Variants in RTKN2 observed in about 807,000 individuals in gnomAD.
RTKN2 encodes rhotekin 2, also known as rhotekin-2.
A neutral mutation model predicts 71.5 loss-of-function variants in RTKN2; 69 were observed. The ratio of observed to expected loss-of-function variants is 0.96; its 90% CI spans 0.79 to 1.18. The LOEUF (loss-of-function observed/expected upper bound fraction) is 1.18, where lower values mean the gene tolerates loss of function less well. Ranked by LOEUF, RTKN2 falls within the 50% of genes most tolerant of loss-of-function variation. RTKN2 has a pLI of 0.00. For missense variants in RTKN2, 724 were observed against 719.7 expected (o/e 1.01, Z -0.07); for synonymous variants, 236 against 236.5 (o/e 1.00, Z 0.02).
intron 6 of RTKN2, among the ~76,000 whole-genome samples, chr10:62,234,298 G>A (rs1383344663): frequency 2.0e-5 from 3 of 152,080 alleles, no homozygotes; most frequent in African/African-American, 7.2e-5. Context: ...GCTGAGGCAA[G>A]CGGATTGCTT....
intron 7 of RTKN2, among the ~76,000 whole-genome samples, 167 bp downstream of exon 7, chr10:62,223,071 G>A (rs1841943466): frequency 6.6e-6 from 1 of 152,112 alleles, no homozygotes; most frequent in Non-Finnish European, 1.5e-5. Flanking sequence ...GTAGAGAAAG[G>A]AAAATAAACT....
At chr10:62,259,847 C>G (rs7076775) in intron 2 of RTKN2, among the ~76,000 whole-genome samples, 1 of 151,996 alleles carries the variant, frequency 6.6e-6, no homozygotes, top group African/African-American at 2.4e-5. Context: ...CCACTTCACC[C>G]GGCCTCTTTT....
At chr10:62,264,357 GTGT>G (rs1372629942) in intron 1 of RTKN2, among the ~76,000 whole-genome samples, 2 of 152,078 alleles carry the variant, frequency 1.3e-5, no homozygotes, top group African/African-American at 2.4e-5. Flanking sequence ...TTCTCATATA[GTGT>G]TGTAACTCAA....
At chr10:62,254,702 G>A (rs955407080) in intron 2 of RTKN2, among the ~76,000 whole-genome samples, 3 of 152,170 alleles carry the variant, frequency 2.0e-5, no homozygotes, top group African/African-American at 7.2e-5. Context: ...TGTTTTGGGA[G>A]GCTGAGGTGG....
intron 7 of RTKN2, among the ~76,000 whole-genome samples, chr10:62,221,136 T>TAAA (rs34217296): frequency 8.1e-4 from 120 of 147,814 alleles, no homozygotes; most frequent in Non-Finnish European, 1.1e-3. Flanking sequence ...AAATAAGTAC[T>TAAA]AAAAAAAAAA....
At chr10:62,214,882 A>AT (rs1184686775) in intron 9 of RTKN2, 10 of 463,466 alleles carry the variant, frequency 2.2e-5, no homozygotes, top group Admixed American at 8.5e-5. Context: ...ATTTTTATCT[A>AT]TTTTTTCCTA....
At chr10:62,186,578 G>C (rs1430865009) in intron 8 of RTKN2, among the ~76,000 whole-genome samples, 1 of 151,678 alleles carries the variant, frequency 6.6e-6, no homozygotes, top group Non-Finnish European at 1.5e-5. Flanking sequence ...GTAGAGGCAT[G>C]GTGGGAGGCC....
chr10:62,187,952 T>G (rs922786748), intron 8 of RTKN2, among the ~76,000 whole-genome samples: 2 of 152,244 alleles, frequency 1.3e-5, no homozygotes, highest in Non-Finnish European at 2.9e-5. Context: ...AGGCCATCCA[T>G]GATCTGACCA....
chr10:62,196,657 T>C lies in RTKN2; in HGVS notation c.*1251A>G, dbSNP rs1841338088. On this transcript the variant is annotated 3_prime_UTR_variant, in exon 12 of 12. Transcript: ENST00000373789. Reference sequence around the variant, plus strand: ...ATACACAGGGCAGCAATTTAATTCTTAAATTTTTATTTCTTGCAATGACAT... The same window carrying C: ...ATACACAGGGCAGCAATTTAATTCTCAAATTTTTATTTCTTGCAATGACAT... 1.0e-6 allele frequency: 1 copy of C among 985,020 alleles called. No homozygotes were observed. The highest frequency in any genetic ancestry group is 1.7e-5 in the African/African-American group (1 of 57,254). 61.0% of individuals were successfully genotyped at this position (985,020 alleles called of 1,614,324 possible).
chr10:62,192,931 A>T (rs564091108), downstream of RTKN2, among the ~76,000 whole-genome samples: 3 of 152,278 alleles, frequency 2.0e-5, no homozygotes, highest in East Asian at 5.8e-4. Flanking sequence ...AGAATCTAAC[A>T]CACTATGTGT....
chr10:62,246,929 C>T (rs1278519064), intron 2 of RTKN2, among the ~76,000 whole-genome samples: 5 of 151,952 alleles, frequency 3.3e-5, no homozygotes, highest in South Asian at 2.1e-4. Flanking sequence ...CCCTAATATC[C>T]TATTTTCCTA....
At chr10:62,232,970 A>G (rs952525402) in intron 6 of RTKN2, among the ~76,000 whole-genome samples, 2 of 152,206 alleles carry the variant, frequency 1.3e-5, no homozygotes, top group Non-Finnish European at 2.9e-5. Flanking sequence ...AATTACAGAA[A>G]TTAAAAATTG....
intron 8 of RTKN2, 57 bp downstream of exon 8, chr10:62,218,138 T>C: frequency 9.4e-7 from 1 of 1,063,328 alleles, no homozygotes; most frequent in Non-Finnish European, 1.4e-6. Context: ...CAACTGCCTG[T>C]ATATTAAGAT....
intron 2 of RTKN2, 99 bp downstream of exon 2, chr10:62,262,525 GT>G: frequency 1.3e-6 from 1 of 784,230 alleles, no homozygotes; most frequent in Non-Finnish European, 2.0e-6. Context: ...TTTTAAAACA[GT>G]TTGGTGATTT....
intron 6 of RTKN2, among the ~76,000 whole-genome samples, chr10:62,233,552 A>G (rs933158023): frequency 6.6e-6 from 1 of 152,150 alleles, no homozygotes; most frequent in African/African-American, 2.4e-5. Flanking sequence ...CATGAAATCA[A>G]TTTAATGATT....
intron 9 of RTKN2, among the ~76,000 whole-genome samples, chr10:62,209,995 T>C (rs1303697408): frequency 2.6e-5 from 4 of 152,232 alleles, no homozygotes; most frequent in Non-Finnish European, 4.4e-5. Context: ...ATGGGATTGC[T>C]GGGTCGAATG....
chr10:62,215,830 CT>C (rs1841758733), intron 9 of RTKN2, among the ~76,000 whole-genome samples: 1 of 151,838 alleles, frequency 6.6e-6, no homozygotes, highest in Admixed American at 6.6e-5. Flanking sequence ...AAATACAACA[CT>C]GCATAAACCA....
intron 2 of RTKN2, among the ~76,000 whole-genome samples, chr10:62,262,127 T>C (rs1842785261): frequency 1.3e-5 from 2 of 152,232 alleles, no homozygotes; most frequent in Admixed American, 6.5e-5. Context: ...TGCATGAATG[T>C]CCTTGAGGTT....
At chr10:62,242,556 T>C (rs1842398058) in intron 3 of RTKN2, among the ~76,000 whole-genome samples, 1 of 152,176 alleles carries the variant, frequency 6.6e-6, no homozygotes, top group Admixed American at 6.5e-5. Context: ...TTTTACTGAA[T>C]TCTTTATTCA....
Sources: gnomAD v4.1 joint callset for allele counts (sites outside exome capture counted in the v4.1 genomes callset) on GRCh38, gnomAD v4.1.1 for gene constraint, MANE v1.5 for transcripts, NCBI Gene and HGNC (gene_info 2026-07-23, HGNC 2026-07-21) for gene names.